Variants in ABL1 observed in about 807,000 individuals in gnomAD.
ABL1 encodes the protein tyrosine-protein kinase ABL1.
In ABL1, 11 loss-of-function variants were observed where a neutral mutation model predicts 94.7. That is an observed-to-expected ratio of 0.12 (90% CI 0.07 to 0.19). ABL1 has a LOEUF of 0.19. ABL1 is among the 10% of genes least tolerant of loss of function. ABL1 has a pLI of 1.00. For synonymous variants in ABL1, 656 were observed against 622.4 expected (o/e 1.05, Z -0.80); for missense variants, 1,082 against 1,489.4 (o/e 0.73, Z 4.50).
chr9:130,854,690 A>G, intron 2 of ABL1, 111 bp from the exon 3 acceptor site: 1 of 1,126,686 alleles, frequency 8.9e-7, no homozygotes. Flanking sequence ...TGTTAAAATG[A>G]AATTGGTATT....
At position 130,873,156 on chromosome 9, in the gene ABL1, C is replaced by G. The variant is rs571365927; in HGVS notation, c.1085+119C>G. On this transcript the variant is annotated intron_variant, in intron 6 of 10. Transcript: ENST00000318560. Reference sequence around the variant, plus strand: ...GCGCAGCTTCTAACCTCAGTGCTGGCAACACATTGGACCTTGGAACAAAGG... The same window carrying G: ...GCGCAGCTTCTAACCTCAGTGCTGGGAACACATTGGACCTTGGAACAAAGG... 1.0e-5 allele frequency: 11 copies of G among 1,058,680 alleles called. No homozygotes were observed. The East Asian group carries it at 2.1e-4, about 20-fold the overall frequency. The allele number at this position is 1,058,680 out of a possible 1,614,324, so 65.6% of individuals were successfully genotyped here.
chr9:130,725,909 A>C (rs1172088794), intron 1 of ABL1, among the ~76,000 whole-genome samples: 9 of 133,692 alleles, frequency 6.7e-5, no homozygotes, highest in African/African-American at 1.1e-4. Context: ...GCCTGAGCCC[A>C]GGAGTTCAAG....
At chr9:130,804,446 G>C (rs1422047531) in intron 1 of ABL1, among the ~76,000 whole-genome samples, 1 of 152,042 alleles carries the variant, frequency 6.6e-6, no homozygotes, top group Admixed American at 6.6e-5. Context: ...ATTAGTGGGC[G>C]TGTGGCGCAT....
At position 130,863,489 on chromosome 9, in the gene ABL1, G is replaced by C. The variant is rs1831108765; in HGVS notation, c.822+454G>C. On this transcript the variant is annotated intron_variant, in intron 4 of 10. Coordinates refer to ENST00000318560, the MANE Select transcript of ABL1 (RefSeq NM_005157.6). The surrounding 1 kb of genome is among the most constrained non-coding windows in gnomAD (Gnocchi z 4.3). ...GCTGATTTGGAAGGCAGGTGCCCTG[G>C]GCATCCCCAGTGGGTTCCAATTCTG... 6.6e-6 allele frequency among the ~76,000 whole-genome samples: 1 copy of C among 152,110 alleles called. No individual in the cohort carries two copies. Among genetic ancestry groups the C allele is most frequent in the African/African-American group, 2.4e-5 (1 of 41,404 alleles).
intron 1 of ABL1, among the ~76,000 whole-genome samples, chr9:130,729,057 C>T (rs1389000344): frequency 1.3e-5 from 2 of 152,128 alleles, no homozygotes. Context: ...GTTAGTTTGA[C>T]CCTGCCAGGT....
At chr9:130,788,719 G>A (rs1014464122) in intron 1 of ABL1, among the ~76,000 whole-genome samples, 3 of 152,144 alleles carry the variant, frequency 2.0e-5, no homozygotes, top group African/African-American at 7.2e-5. Flanking sequence ...AGCAGTTATT[G>A]TATAGAATGT....
At chr9:130,758,831 A>G (rs1486457536) in intron 1 of ABL1, among the ~76,000 whole-genome samples, 1 of 152,192 alleles carries the variant, frequency 6.6e-6, no homozygotes, top group Non-Finnish European at 1.5e-5. Flanking sequence ...TGCCGGCTGC[A>G]GGCATTGCAG....
chr9:130,734,367 C>T (rs1360852184), intron 1 of ABL1, among the ~76,000 whole-genome samples: 2 of 151,604 alleles, frequency 1.3e-5, no homozygotes, highest in Non-Finnish European at 2.9e-5. Flanking sequence ...GCACCCGCCA[C>T]CATGCCTGGC....
rs373047570 is a variant in ABL1, at chr9:130,769,751, A to G, written c.136+55296A>G. Among the ~76,000 whole-genome samples the G allele has an allele frequency of 2.6e-5, 4 of 152,286 alleles. No individual in the cohort carries two copies. The South Asian group carries it at 8.3e-4, about 32-fold the overall frequency. On this transcript the variant is annotated intron_variant, in intron 1 of 10. Transcript: ENST00000372348. ...TTATACAGTTCTATGGACTTTGACA[A>G]ATACATACACTTGTGAAATTGCCAC...
chr9:130,785,152 A>G (rs901488988), intron 1 of ABL1, among the ~76,000 whole-genome samples: 3 of 152,162 alleles, frequency 2.0e-5, no homozygotes, highest in Non-Finnish European at 2.9e-5. Flanking sequence ...TTGTCAACAG[A>G]GTGCTGGAGG....
Position 130,862,864 on chromosome 9 carries a change from C to G in ABL1, c.651C>G (p.Ala217=). The change falls in exon 4 of 11, where the codon GCC becomes GCG. Residue 217 remains alanine (A), a synonymous_variant. Transcript: ENST00000318560. The surrounding 1 kb of genome is among the most constrained non-coding windows in gnomAD (Gnocchi z 5.5). The part of the protein sequence containing the change: ...DGLITTLHYP[A]PKRNKPTVYG... Reference sequence around the variant, plus strand: ...TCATCACCACGCTCCATTATCCAGCCCCAAAGCGCAACAAGCCCACTGTCT... The same window carrying G: ...TCATCACCACGCTCCATTATCCAGCGCCAAAGCGCAACAAGCCCACTGTCT... 6.2e-7 allele frequency: 1 copy of G among 1,614,120 alleles called. No homozygotes were observed. Among genetic ancestry groups the G allele is most frequent in the Non-Finnish European group, 8.5e-7 (1 of 1,180,030 alleles).
At chr9:130,809,977 A>G (rs1394985175) in intron 1 of ABL1, among the ~76,000 whole-genome samples, 2 of 152,228 alleles carry the variant, frequency 1.3e-5, no homozygotes, top group African/African-American at 4.8e-5. Context: ...GCTGAAGAAT[A>G]TTTTTAGGGA....
At position 130,814,574 on chromosome 9, in the gene ABL1, G is replaced by A. The variant is rs534182295; in HGVS notation, c.137-39490G>A. 1.3e-5 allele frequency among the ~76,000 whole-genome samples: 2 copies of A among 152,288 alleles called. No individual in the cohort carries two copies. The highest frequency in any genetic ancestry group is 1.9e-4 in the East Asian group (1 of 5,180). ...TCCTTGAATGACACAAACTACCAAA[G>A]TTCACTCAAGAAGTAACCATCTGCC... On this transcript the variant is annotated intron_variant, in intron 1 of 10. Transcript: ENST00000372348. This position sits in a 1 kb window ranked among gnomAD's most constrained non-coding sequence, Gnocchi z 4.4.
chr9:130,869,442 G>T (rs1831215847), intron 4 of ABL1, among the ~76,000 whole-genome samples: 1 of 152,222 alleles, frequency 6.6e-6, no homozygotes, highest in Non-Finnish European at 1.5e-5. Context: ...CAGGCTCAGA[G>T]AAGGTGAGTA....
chr9:130,825,422 C>CA (rs1453408632), intron 1 of ABL1, among the ~76,000 whole-genome samples: 2 of 152,148 alleles, frequency 1.3e-5, no homozygotes, highest in East Asian at 3.8e-4. Context: ...TTTACCAATT[C>CA]AAAGTTAACA....
rs1015585715 is a variant in ABL1 at position 130,745,212 on chromosome 9, G to A, written c.136+30757G>A. Among the ~76,000 whole-genome samples, 52 of 151,592 alleles carry A rather than the reference G, an allele frequency of 3.4e-4. 1 individual carries two copies. The highest frequency in any genetic ancestry group is 1.2e-3 in the African/African-American group (51 of 41,264). ...CGATTCTCCTGCTTCAGCCTCCCTAGTAGCTGGGATTACAGGCATGCGCCG... is the reference window on the plus strand; with the variant it reads ...CGATTCTCCTGCTTCAGCCTCCCTAATAGCTGGGATTACAGGCATGCGCCG... On this transcript the variant is annotated intron_variant, in intron 1 of 10. Coordinates refer to the ABL1 transcript ENST00000372348.
At chr9:130,716,440 A>T (rs1831442081) in intron 1 of ABL1, among the ~76,000 whole-genome samples, 1 of 152,014 alleles carries the variant, frequency 6.6e-6, no homozygotes, top group Non-Finnish European at 1.5e-5. Flanking sequence ...AAAAATTATT[A>T]ATTTTATTAC....
At chr9:130,808,247 C>CTTCTTCTTCTTCT (rs1225434564) in intron 1 of ABL1, among the ~76,000 whole-genome samples, 1 of 95,086 alleles carries the variant, frequency 1.1e-5, no homozygotes, top group East Asian at 2.5e-4. Context: ...TCTTCTTCTT[C>CTTCTTCTTCTTCT]TTTTTTTTTT....
rs966259435 is a variant in ABL1 at position 130,887,144 on chromosome 9, C to T, written c.*1461C>T. 13 of 233,164 alleles carry T rather than the reference C, an allele frequency of 5.6e-5. No homozygotes were observed. The highest frequency in any genetic ancestry group is 1.2e-3 in the Middle Eastern group (1 of 806). The allele number at this position is 233,164 out of a possible 1,614,324, so 14.4% of individuals were successfully genotyped here. On this transcript the variant is annotated 3_prime_UTR_variant, in exon 11 of 11. Coordinates refer to ENST00000318560, the MANE Select transcript of ABL1 (RefSeq NM_005157.6). The stretch of plus-strand genomic sequence containing the variant: ...GCAGGTGGCCGCCCCTGAGGCTTCA[C>T]GCCGGGAGAAGCCACCTTCCCACCC...
Sources: gnomAD v4.1 joint callset for allele counts (sites outside exome capture counted in the v4.1 genomes callset) on GRCh38, gnomAD v4.1.1 for gene constraint, Gnocchi (gnomAD v3.1) non-coding constraint, MANE v1.5 for transcripts, NCBI Gene and HGNC (gene_info 2026-07-23, HGNC 2026-07-21) for gene names.